Variants in USP48 observed in about 807,000 individuals in gnomAD.
The protein encoded by USP48 is ubiquitin carboxyl-terminal hydrolase 48.
In USP48, 43 loss-of-function variants were observed where a neutral mutation model predicts 150.7. The observed-to-expected ratio is 0.29, with a 90% confidence interval of 0.22 to 0.37. The LOEUF is 0.37. Among genes scored for constraint, USP48 ranks in the 10% least tolerant of loss-of-function variants. The pLI is 1.00. For missense variants in USP48, 813 were observed against 1,249.6 expected, an observed-to-expected ratio of 0.65 and a Z score of 5.27; for synonymous variants, 396 against 425.9, an observed-to-expected ratio of 0.93 and a Z score of 0.86.
intron 1 of USP48, among the ~76,000 whole-genome samples, chr1:21,778,140 C>G (rs1325732159): frequency 1.4e-5 from 2 of 148,020 alleles, no homozygotes; most frequent in Admixed American, 1.4e-4. Context: ...GAGACTCCGT[C>G]TGAAAAAAAA....
chr1:21,755,007 G>T (rs527603684), intron 3 of USP48, among the ~76,000 whole-genome samples: 2 of 152,164 alleles, frequency 1.3e-5, no homozygotes, highest in Non-Finnish European at 2.9e-5. Context: ...GATACAGGTT[G>T]TTCCCTGTAT....
intron 1 of USP48, among the ~76,000 whole-genome samples, chr1:21,770,296 T>C (rs188434086): frequency 4.6e-5 from 7 of 151,968 alleles, no homozygotes; most frequent in African/African-American, 7.2e-5. Flanking sequence ...AAGTCCAACA[T>C]AGGCAAAATA....
chr1:21,705,602 C>A (rs1395329143), intron 19 of USP48, 125 bp downstream of exon 19: 3 of 663,812 alleles, frequency 4.5e-6, no homozygotes, highest in Non-Finnish European at 7.1e-6. Flanking sequence ...AAAAACCCCA[C>A]AATTCAGCAA....
At chr1:21,751,744 G>A (rs2097814677) in intron 5 of USP48, 129 bp from the exon 6 acceptor site, 2 of 711,106 alleles carry the variant, frequency 2.8e-6, no homozygotes, top group Non-Finnish European at 4.6e-6. Flanking sequence ...CAGAAATTAT[G>A]TATACTAAAA....
chr1:21,765,685 A>G (rs1364090696), intron 1 of USP48, among the ~76,000 whole-genome samples: 1 of 151,824 alleles, frequency 6.6e-6, no homozygotes, highest in African/African-American at 2.4e-5. Flanking sequence ...ACAAGGTGTG[A>G]GACATAACTA....
intron 3 of USP48, among the ~76,000 whole-genome samples, chr1:21,754,022 ATGG>A (rs1349451305): frequency 5.3e-5 from 8 of 150,300 alleles, no homozygotes; most frequent in African/African-American, 2.0e-4. Context: ...TTAGTGGGGC[ATGG>A]TAGTACACGC....
intron 9 of USP48, among the ~76,000 whole-genome samples, chr1:21,730,994 C>A (rs1176094252): frequency 6.6e-6 from 1 of 151,984 alleles, no homozygotes; most frequent in Non-Finnish European, 1.5e-5. Context: ...CTACTGACCT[C>A]ACAATCTGCC....
At chr1:21,702,663 T>A (rs2097660542) in intron 21 of USP48, among the ~76,000 whole-genome samples, 1 of 152,090 alleles carries the variant, frequency 6.6e-6, no homozygotes, top group Non-Finnish European at 1.5e-5. Flanking sequence ...AAATCCTTGG[T>A]ATGATGTATA....
At chr1:21,712,715 G>A (rs1236067926) in intron 15 of USP48, among the ~76,000 whole-genome samples, 3 of 145,802 alleles carry the variant, frequency 2.1e-5, no homozygotes, top group African/African-American at 2.6e-5. Flanking sequence ...TGCAACCTCC[G>A]CCTCCTGGGT....
At chr1:21,770,811 C>T (rs562808533) in intron 1 of USP48, among the ~76,000 whole-genome samples, 2 of 151,746 alleles carry the variant, frequency 1.3e-5, no homozygotes, top group East Asian at 3.9e-4. Context: ...GATTTGTGTG[C>T]TTTTCTGTAT....
At chr1:21,782,721 C>T in intron 1 of USP48, 103 bp downstream of exon 1, 1 of 1,403,558 alleles carries the variant, frequency 7.1e-7, no homozygotes, top group African/African-American at 1.5e-5. Context: ...CTCCGCGCCT[C>T]CCAAATGCAC....
intron 1 of USP48, among the ~76,000 whole-genome samples, chr1:21,762,380 T>C (rs2097851978): frequency 6.6e-6 from 1 of 152,174 alleles, no homozygotes. Flanking sequence ...GAAAGAAAAT[T>C]ACAGCTAGTG....
intron 22 of USP48, among the ~76,000 whole-genome samples, chr1:21,699,192 ATTTTT>A (rs71016932): frequency 1.6e-5 from 1 of 63,612 alleles, no homozygotes; most frequent in Non-Finnish European, 3.1e-5. Context: ...ACCACACCTA[ATTTTT>A]TTTTTTTTTT....
chr1:21,723,830 C>A, intron 12 of USP48, 68 bp downstream of exon 12: 1 of 1,395,440 alleles, frequency 7.2e-7, no homozygotes, highest in South Asian at 1.3e-5. Context: ...AAGCCACACT[C>A]ATAAAGACCA....
At chr1:21,703,373 A>G (rs1368031192) in intron 21 of USP48, 139 bp downstream of exon 21, 9 of 537,064 alleles carry the variant, frequency 1.7e-5, no homozygotes, top group Non-Finnish European at 3.3e-6. Context: ...ATTATTGTCC[A>G]ATTTCAATTC....
At chr1:21,681,079 G>C in intron 25 of USP48, 1 of 376,304 alleles carries the variant, frequency 2.7e-6, no homozygotes, top group South Asian at 2.9e-5. Flanking sequence ...TTTGTAACTA[G>C]GGCACACCTA....
At chr1:21,782,679 C>T in intron 1 of USP48, 145 bp downstream of exon 1, 4 of 1,284,100 alleles carry the variant, frequency 3.1e-6, no homozygotes, top group Non-Finnish European at 4.1e-6. Context: ...GTCGCGCAGA[C>T]GGCGCAAAGG....
At chr1:21,698,559 CTT>C (rs2097644755) in intron 22 of USP48, among the ~76,000 whole-genome samples, 1 of 152,128 alleles carries the variant, frequency 6.6e-6, no homozygotes, top group East Asian at 1.9e-4. Flanking sequence ...CTAAATAACT[CTT>C]AGGGTGAAAA....
At chr1:21,704,148 G>T in intron 20 of USP48, 114 bp downstream of exon 20, 2 of 1,192,310 alleles carry the variant, frequency 1.7e-6, no homozygotes. Flanking sequence ...TTTCCACCTA[G>T]GGAGTTGGGA....
Sources: allele counts gnomAD v4.1 joint callset (sites outside exome capture counted in the v4.1 genomes callset), GRCh38; gene constraint gnomAD v4.1.1; transcripts MANE v1.5; gene names NCBI Gene and HGNC (gene_info 2026-07-23, HGNC 2026-07-21).